CHD9: variants seen among roughly 807,000 people sequenced by gnomAD.
CHD9 encodes chromodomain helicase DNA binding protein 9.
Under a neutral mutation model 316.1 loss-of-function variants are expected in CHD9, and 77 were observed. That is an observed-to-expected ratio of 0.24 (90% CI 0.20 to 0.29). The LOEUF (loss-of-function observed/expected upper bound fraction) is 0.29. Ranked by LOEUF, CHD9 falls within the 10% of genes least tolerant of loss-of-function variation. The pLI is 1.00. For synonymous variants in CHD9, 1,129 were observed against 1,158.3 expected, an observed-to-expected ratio of 0.97 and a Z score of 0.51; for missense variants, 2,763 against 3,438.1, an observed-to-expected ratio of 0.80 and a Z score of 4.91.
chr16:53,057,802 C>T (rs1350860192), intron 1 of CHD9, among the ~76,000 whole-genome samples: 2 of 152,152 alleles, frequency 1.3e-5, no homozygotes, highest in African/African-American at 4.8e-5. Context: ...CAAGGGCAAA[C>T]AGGAGGACAC....
chr16:53,321,747 A>G, intron 38 of CHD9, 117 bp downstream of exon 38: 1 of 636,110 alleles, frequency 1.6e-6, no homozygotes, highest in South Asian at 4.5e-5. Flanking sequence ...AGCATTTTTC[A>G]GTTTGCAATT....
chr16:53,287,002 T>G (rs1422478826), intron 26 of CHD9, among the ~76,000 whole-genome samples: 1 of 152,178 alleles, frequency 6.6e-6, no homozygotes, highest in Non-Finnish European at 1.5e-5. Flanking sequence ...CTCTGTCATC[T>G]AGGCTGGAAT....
intron 1 of CHD9, among the ~76,000 whole-genome samples, chr16:53,092,481 C>T (rs955823488): frequency 1.1e-4 from 16 of 152,164 alleles, no homozygotes; most frequent in Non-Finnish European, 5.9e-5. Context: ...CCTTGGGCTG[C>T]TGGGTGACAG....
intron 22 of CHD9, 30 bp from the exon 23 acceptor site, chr16:53,273,596 T>C (rs746212225): frequency 2.4e-5 from 36 of 1,488,806 alleles, no homozygotes; most frequent in Non-Finnish European, 3.1e-5. Context: ...ATACAAATTA[T>C]TCCTAATTTA....
intron 1 of CHD9, among the ~76,000 whole-genome samples, chr16:53,136,599 G>T (rs1261157990): frequency 2.0e-5 from 3 of 151,622 alleles, no homozygotes; most frequent in Non-Finnish European, 4.4e-5. Flanking sequence ...TACAGACTTG[G>T]TGTAGTCTGT....
intron 5 of CHD9, 84 bp downstream of exon 5, chr16:53,226,596 A>T (rs2047676071): frequency 6.8e-7 from 1 of 1,468,654 alleles, no homozygotes; most frequent in East Asian, 2.4e-5. Flanking sequence ...TCCTACTAAA[A>T]ATTGCTCTAA....
At chr16:53,185,317 T>C (rs2043892823) in intron 2 of CHD9, among the ~76,000 whole-genome samples, 1 of 152,168 alleles carries the variant, frequency 6.6e-6, no homozygotes, top group African/African-American at 2.4e-5. Flanking sequence ...GGCAGATTGT[T>C]GGGAACTGGA....
intron 1 of CHD9, among the ~76,000 whole-genome samples, chr16:53,114,922 T>TTTGATTGA (rs57878146): frequency 4.6e-5 from 7 of 151,682 alleles, no homozygotes; most frequent in African/African-American, 1.7e-4. Context: ...AGCACAAGTA[T>TTTGATTGA]TTGATTGATT....
At chr16:53,070,378 C>T (rs1472703981) in intron 1 of CHD9, among the ~76,000 whole-genome samples, 3 of 151,796 alleles carry the variant, frequency 2.0e-5, no homozygotes, top group Non-Finnish European at 4.4e-5. Flanking sequence ...GGTTTTAGCT[C>T]TTATATTTTA....
rs1238621803 is a variant in CHD9, at chr16:53,274,344, T to C, written c.4967+42T>C. 2.3e-6 allele frequency: 3 copies of C among 1,304,914 alleles called. No homozygotes were observed. The Admixed American group carries it at 7.4e-5, about 32-fold the overall frequency. The allele number at this position is 1,304,914 out of a possible 1,614,324, so 80.8% of individuals were successfully genotyped here. Reference sequence around the variant, plus strand: ...TTATTATTTTTGTTTGTTTGTTGTCTTGCCCAGGCAGCTTCAAGCTCCTGG... The same window carrying C: ...TTATTATTTTTGTTTGTTTGTTGTCCTGCCCAGGCAGCTTCAAGCTCCTGG... On this transcript the variant is annotated intron_variant, in intron 24 of 38. Transcript: ENST00000447540.
At chr16:53,065,158 A>G (rs2033374979) in intron 1 of CHD9, among the ~76,000 whole-genome samples, 1 of 152,186 alleles carries the variant, frequency 6.6e-6, no homozygotes, top group Non-Finnish European at 1.5e-5. Context: ...GGTGAGCAAA[A>G]TGAGTGATTT....
intron 1 of CHD9, among the ~76,000 whole-genome samples, chr16:53,065,693 T>C (rs2033439264): frequency 6.8e-6 from 1 of 145,996 alleles, no homozygotes; most frequent in South Asian, 2.2e-4. Flanking sequence ...TGGCCAGACC[T>C]CTGAGCTGCC....
intron 15 of CHD9, among the ~76,000 whole-genome samples, chr16:53,247,007 A>G (rs1487498848): frequency 1.3e-5 from 2 of 152,204 alleles, no homozygotes; most frequent in African/African-American, 2.4e-5. Context: ...CCCTAATAAC[A>G]TTCATTAAAC....
At chr16:53,228,357 T>A (rs1426947037) in intron 7 of CHD9, among the ~76,000 whole-genome samples, 1 of 151,822 alleles carries the variant, frequency 6.6e-6, no homozygotes, top group Non-Finnish European at 1.5e-5. Context: ...AAAAAAAGTT[T>A]TTTTTTTCCT....
chr16:53,137,058 C>G, intron 1 of CHD9, among the ~76,000 whole-genome samples: 1 of 151,902 alleles, frequency 6.6e-6, no homozygotes, highest in East Asian at 1.9e-4. Flanking sequence ...ACTGCAACCT[C>G]CACTTCCCAG....
At chr16:53,108,684 G>A (rs748152464) in intron 1 of CHD9, among the ~76,000 whole-genome samples, 80 of 152,036 alleles carry the variant, frequency 5.3e-4, no homozygotes, top group Middle Eastern at 3.4e-3. Flanking sequence ...AGATCAGCCT[G>A]GCCAACATGG....
In CHD9 at chr16:53,252,619, A is replaced by G. The variant is rs371825406; in HGVS notation, c.3862-1819A>G. ...ACAGCAGAGTAAACAGACAACCCACAGAGTGGGAGAAAATCTTCACAATCT... is the reference window on the plus strand; with the variant it reads ...ACAGCAGAGTAAACAGACAACCCACGGAGTGGGAGAAAATCTTCACAATCT... On this transcript the variant is annotated intron_variant, in intron 17 of 38. Coordinates refer to ENST00000447540, the MANE Select transcript of CHD9 (RefSeq NM_001308319.2). Among the ~76,000 whole-genome samples, 18 of 152,188 alleles carry G rather than the reference A, an allele frequency of 1.2e-4. No homozygotes were observed. The South Asian group carries it at 3.7e-3, about 32-fold the overall frequency.
intron 2 of CHD9, among the ~76,000 whole-genome samples, chr16:53,202,372 G>A (rs2045532046): frequency 6.6e-6 from 1 of 151,180 alleles, no homozygotes; most frequent in Admixed American, 6.6e-5. Flanking sequence ...ATTTTGTTGA[G>A]GTCTTTTAAG....
In CHD9 at chr16:53,273,696, A is replaced by T; in HGVS notation, c.4788A>T (p.Ile1596=). ...AAACTCAAACAAGCTCATTTGATAT[A>T]CAAAAAGCAGAATGGCTTCGAAAAT... The part of the protein sequence containing the change: ...KVKTQTSSFD[I]QKAEWLRKYN... The change falls in exon 23 of 39, where the codon ATA becomes ATT. Residue 1596 remains isoleucine, a synonymous_variant. Transcript: ENST00000447540. The T allele has an allele frequency of 6.2e-7, 1 of 1,613,598 alleles. No individual in the cohort carries two copies. The highest frequency in any genetic ancestry group is 1.1e-5 in the South Asian group (1 of 91,058).
Sources: gnomAD v4.1 joint callset for allele counts (sites outside exome capture counted in the v4.1 genomes callset) on GRCh38, gnomAD v4.1.1 for gene constraint, MANE v1.5 for transcripts, NCBI Gene and HGNC (gene_info 2026-07-23, HGNC 2026-07-21) for gene names.